IMMP2L: variants seen among roughly 807,000 people sequenced by gnomAD.
The protein encoded by IMMP2L is inner mitochondrial membrane peptidase subunit 2, also known as mitochondrial inner membrane protease subunit 2.
IMMP2L carries 18 observed loss-of-function variants against 19.3 expected under a neutral mutation model. The ratio of observed to expected loss-of-function variants is 0.93; its 90% confidence interval spans 0.64 to 1.38. The LOEUF is 1.38. Among genes scored for constraint, IMMP2L ranks in the 40% most tolerant of loss-of-function variants. The probability of loss-of-function intolerance (pLI) is 0.00; values close to 1 mark genes in which losing one functional copy is unlikely to be tolerated. For synonymous variants in IMMP2L, 76 were observed against 73.0 expected, an observed-to-expected ratio of 1.04 and a Z score of -0.21; for missense variants, 233 against 218.2, an observed-to-expected ratio of 1.07 and a Z score of -0.43.
At chr7:110,859,473 T>C (rs1319289168) in intron 5 of IMMP2L, among the ~76,000 whole-genome samples, 2 of 151,908 alleles carry the variant, frequency 1.3e-5, no homozygotes, top group Non-Finnish European at 2.9e-5. Context: ...CTGTGTGTGG[T>C]GGCTCACGAC....
intron 5 of IMMP2L, among the ~76,000 whole-genome samples, chr7:110,695,674 C>T (rs561634606): frequency 1.3e-5 from 2 of 152,214 alleles, no homozygotes; most frequent in Admixed American, 6.5e-5. Context: ...AAAGGATATG[C>T]TTCTAGAACA....
chr7:111,272,873 G>T (rs1818617683), intron 3 of IMMP2L, among the ~76,000 whole-genome samples: 1 of 152,100 alleles, frequency 6.6e-6, no homozygotes, highest in Non-Finnish European at 1.5e-5. Context: ...TTATAATACA[G>T]AAGTACATAG....
intron 3 of IMMP2L, among the ~76,000 whole-genome samples, chr7:111,470,408 A>G (rs1205023509): frequency 6.6e-6 from 1 of 152,060 alleles, no homozygotes; most frequent in Non-Finnish European, 1.5e-5. Context: ...TCATGCTGCT[A>G]TAGACACATG....
At chr7:111,254,215 T>A (rs893918484) in intron 3 of IMMP2L, among the ~76,000 whole-genome samples, 1 of 148,042 alleles carries the variant, frequency 6.8e-6, no homozygotes, top group African/African-American at 2.6e-5. Flanking sequence ...AAGTTGCTTG[T>A]CTGTTTCTTG....
chr7:110,775,357 A>G (rs1298902923), intron 5 of IMMP2L, among the ~76,000 whole-genome samples: 2 of 151,764 alleles, frequency 1.3e-5, no homozygotes, highest in Non-Finnish European at 2.9e-5. Context: ...TAGTAAGTTG[A>G]GTCAATTGCT....
At position 111,104,002 on chromosome 7, in the gene IMMP2L, GA is replaced by G. The variant is rs1798263894; in HGVS notation, c.240-140438del. On this transcript the variant is annotated intron_variant, in intron 3 of 5. Coordinates refer to ENST00000405709, the MANE Select transcript of IMMP2L (RefSeq NM_032549.4). The stretch of plus-strand genomic sequence containing the variant: ...TAGGGTTAAATGTGGAACAAAATGG[GA>G]ACACTGAAAAGTGGTACTCCTGTAA... Among the ~76,000 whole-genome samples, 4 of 151,664 alleles carry G rather than the reference GA, an allele frequency of 2.6e-5. No individual in the cohort carries two copies. In the South Asian group the frequency reaches 8.3e-4, roughly 31 times the overall value.
At chr7:110,873,679 A>C (rs799628) in intron 5 of IMMP2L, among the ~76,000 whole-genome samples, 88,004 of 150,102 alleles carry the variant, frequency 0.59, 27,065 homozygotes, top group East Asian at 0.84. Flanking sequence ...GAAGCTGAAG[A>C]AGGAGAATCC....
In IMMP2L at chr7:111,123,275, G is replaced by A. The variant is rs1310280055; in HGVS notation, c.240-159710C>T. On this transcript the variant is annotated intron_variant, in intron 3 of 5. Transcript: ENST00000405709. This position sits in a 1 kb window ranked among gnomAD's most constrained non-coding sequence, Gnocchi z 6.4. ...TTTATTGGCCTACATAATCTTCTTC[G>A]ACTTCATCTCAATTCAAATAGATTG... 3.1e-6 allele frequency: 5 copies of A among 1,613,614 alleles called. No homozygotes were observed. The highest frequency in any genetic ancestry group is 1.1e-5 in the South Asian group (1 of 91,002).
chr7:111,286,893 G>A (rs1169657515), intron 3 of IMMP2L, among the ~76,000 whole-genome samples: 1 of 152,100 alleles, frequency 6.6e-6, no homozygotes, highest in Non-Finnish European at 1.5e-5. Context: ...CACTTTCCAA[G>A]GCAGGCATTC....
intron 5 of IMMP2L, among the ~76,000 whole-genome samples, chr7:110,840,986 G>A (rs1777961691): frequency 6.6e-6 from 1 of 151,986 alleles, no homozygotes; most frequent in Non-Finnish European, 1.5e-5. Context: ...CTAATAGTGA[G>A]AAGGCACTAG....
intron 3 of IMMP2L, among the ~76,000 whole-genome samples, chr7:111,023,754 G>A (rs1826536934): frequency 6.6e-6 from 1 of 151,996 alleles, no homozygotes; most frequent in Non-Finnish European, 1.5e-5. Flanking sequence ...TTCAAATTAT[G>A]GATTCTTAAA....
chr7:110,818,828 G>A (rs1802770574), intron 5 of IMMP2L, among the ~76,000 whole-genome samples: 1 of 151,748 alleles, frequency 6.6e-6, no homozygotes, highest in Non-Finnish European at 1.5e-5. Context: ...GATGAAGGTG[G>A]AAACCATCAT....
At chr7:110,873,538 C>A (rs12705739) in intron 5 of IMMP2L, among the ~76,000 whole-genome samples, 2 of 145,334 alleles carry the variant, frequency 1.4e-5, no homozygotes, top group Admixed American at 1.4e-4. Context: ...CTGAGGCGGG[C>A]GGATTACCTG....
In IMMP2L at chr7:111,025,475, G is replaced by A. The variant is rs557157413; in HGVS notation, c.240-61910C>T. ...TTACATCCAATATTTCTGTTTAGAG[G>A]TCATATATTAGAAATATTTCCATCT... On this transcript the variant is annotated intron_variant, in intron 3 of 5. Transcript: ENST00000405709. Among the ~76,000 whole-genome samples the A allele has an allele frequency of 2.4e-4, 36 of 152,252 alleles. No homozygotes were observed. The Middle Eastern group carries it at 0.01, about 43-fold the overall frequency.
intron 3 of IMMP2L, among the ~76,000 whole-genome samples, chr7:111,106,456 C>G (rs935922517): frequency 5.9e-5 from 9 of 151,706 alleles, no homozygotes; most frequent in African/African-American, 2.2e-4. Flanking sequence ...GAAAAACAGT[C>G]CAATTAAAAA....
At chr7:111,091,374 TAC>T (rs1396442221) in intron 3 of IMMP2L, 1 of 152,124 alleles carries the variant, frequency 6.6e-6, no homozygotes, top group East Asian at 1.9e-4. Context: ...TACACTTTGT[TAC>T]ACAGACACAC....
At chr7:111,149,477 G>C (rs1043484155) in intron 3 of IMMP2L, among the ~76,000 whole-genome samples, 3 of 152,144 alleles carry the variant, frequency 2.0e-5, no homozygotes, top group Admixed American at 2.0e-4. Flanking sequence ...ATAGCCTACT[G>C]TTGACTGGAA....
intron 3 of IMMP2L, among the ~76,000 whole-genome samples, chr7:111,302,465 T>A (rs1822365414): frequency 6.6e-6 from 1 of 152,084 alleles, no homozygotes; most frequent in African/African-American, 2.4e-5. Flanking sequence ...CAAAAACACA[T>A]CTATACATAG....
chr7:111,054,494 G>C (rs1158039517), intron 3 of IMMP2L, among the ~76,000 whole-genome samples: 1 of 152,162 alleles, frequency 6.6e-6, no homozygotes, highest in Non-Finnish European at 1.5e-5. Flanking sequence ...TCCTCATGTA[G>C]AATTATCTTT....
Sources: gnomAD v4.1 joint callset for allele counts (sites outside exome capture counted in the v4.1 genomes callset) on GRCh38, gnomAD v4.1.1 for gene constraint, Gnocchi (gnomAD v3.1) non-coding constraint, MANE v1.5 for transcripts, NCBI Gene and HGNC (gene_info 2026-07-23, HGNC 2026-07-21) for gene names.